The following ABR variants were observed in gnomAD, a reference collection of about 807,000 sequenced individuals.
ABR encodes the protein ABR activator of RhoGEF and GTPase.
ABR carries 35 observed loss-of-function variants against 107.2 expected under a neutral mutation model. The ratio of observed to expected loss-of-function variants is 0.33; its 90% CI spans 0.25 to 0.43. The LOEUF is 0.43. Among genes scored for constraint, ABR ranks in the 20% least tolerant of loss-of-function variants. ABR has a pLI of 1.00. For synonymous variants in ABR, 498 were observed against 462.0 expected (o/e 1.08, Z -1.00); for missense variants, 815 against 1,115.2 (o/e 0.73, Z 3.83).
At chr17:1,013,965 G>A (rs891002243) in intron 16 of ABR, among the ~76,000 whole-genome samples, 13 of 152,328 alleles carry the variant, frequency 8.5e-5, no homozygotes, top group Admixed American at 1.3e-4. Context: ...GCAACTGTGC[G>A]CTCCCTGGCA....
At chr17:1,042,547 CATGG>C (rs61093689) in intron 16 of ABR, among the ~76,000 whole-genome samples, 2 of 151,450 alleles carry the variant, frequency 1.3e-5, no homozygotes, top group African/African-American at 2.4e-5. Context: ...CACCTACATC[CATGG>C]ACGGATGGAT....
rs113756487 is a variant in ABR, at chr17:1,017,181, G to A, written c.1792-4017C>T. Among the ~76,000 whole-genome samples the A allele has an allele frequency of 1.7e-3, 255 of 152,222 alleles. 3 individuals carry two copies. The highest frequency in any genetic ancestry group is 5.8e-3 in the African/African-American group (239 of 41,502). ...GGAAGCGTGAGGCCATCACCAGCCC[G>A]GCTGGAGGCAGGGGTCCTACAGGGT... On this transcript the variant is annotated intron_variant, in intron 16 of 22. Coordinates refer to ENST00000302538, the MANE Select transcript of ABR (RefSeq NM_021962.5).
At chr17:1,047,037 G>A (rs1436153126) in intron 16 of ABR, among the ~76,000 whole-genome samples, 3 of 152,218 alleles carry the variant, frequency 2.0e-5, no homozygotes, top group Non-Finnish European at 4.4e-5. Context: ...CAGAGTGGGG[G>A]CCTCATCACA....
At chr17:1,085,660 G>A (rs547714776) in intron 4 of ABR, among the ~76,000 whole-genome samples, 5 of 152,248 alleles carry the variant, frequency 3.3e-5, no homozygotes, top group Non-Finnish European at 5.9e-5. Flanking sequence ...AGATACGGCC[G>A]GTTCAAACTG....
In ABR at chr17:1,154,179, C is replaced by T. The variant is rs1462385349; in HGVS notation, c.61+25488G>A. On this transcript the variant is annotated intron_variant, in intron 1 of 22. Coordinates refer to ENST00000302538, the MANE Select transcript of ABR (RefSeq NM_021962.5). This position sits in a 1 kb window ranked among gnomAD's most constrained non-coding sequence, Gnocchi z 4.0. ...GTTCACCTCCCAGGTCCTTCATGAT[C>T]CTGGTGTCCCTGCCGCGGCTGCCAC... 1 of 152,468 alleles carries T rather than the reference C, an allele frequency of 6.6e-6. No individual in the cohort carries two copies. Among genetic ancestry groups the T allele is most frequent in the Non-Finnish European group, 1.5e-5 (1 of 68,250 alleles). The allele number at this position is 152,468 out of a possible 1,614,324, so 9.4% of individuals were successfully genotyped here.
At position 1,150,703 on chromosome 17, in the gene ABR, G is replaced by A. The variant is rs919651518; in HGVS notation, c.62-25336C>T. Among the ~76,000 whole-genome samples the A allele has an allele frequency of 6.6e-5, 10 of 152,242 alleles. No homozygotes were observed. The East Asian group carries it at 1.5e-3, about 24-fold the overall frequency. On this transcript the variant is annotated intron_variant, in intron 1 of 22. Transcript: ENST00000302538. The surrounding 1 kb of genome is among the most constrained non-coding windows in gnomAD (Gnocchi z 4.8). ...CACGGTCTGTGGTAACATCCTGCAC[G>A]GCTCTAAACCAGAGGCAACAGGGCA...
In ABR at chr17:1,179,647, C is replaced by T. The variant is rs764792159; in HGVS notation, c.61+20G>A. 38 of 1,521,326 alleles carry T rather than the reference C, an allele frequency of 2.5e-5. No individual in the cohort carries two copies. The highest frequency in any genetic ancestry group is 3.4e-5 in the Non-Finnish European group (38 of 1,133,746). 94.2% of individuals were successfully genotyped at this position (1,521,326 alleles called of 1,614,324 possible). Reference sequence around the variant, plus strand: ...TCCCGATCCCGATCCTGGGGTCCCGCCCCCGCCCGGCACACGTACTGCTGT... The same window carrying T: ...TCCCGATCCCGATCCTGGGGTCCCGTCCCCGCCCGGCACACGTACTGCTGT... On this transcript the variant is annotated intron_variant, in intron 1 of 22. Coordinates refer to ENST00000302538, the MANE Select transcript of ABR (RefSeq NM_021962.5). The surrounding 1 kb of genome is among the most constrained non-coding windows in gnomAD (Gnocchi z 4.9).
intron 1 of ABR, among the ~76,000 whole-genome samples, chr17:1,202,373 C>T (rs1023834954): frequency 2.6e-5 from 4 of 152,168 alleles, no homozygotes; most frequent in South Asian, 4.1e-4. Context: ...AGCCCCAGAG[C>T]GCACATTCAA....
chr17:1,108,950 A>T, intron 2 of ABR: 1 of 1,594,910 alleles, frequency 6.3e-7, no homozygotes, highest in Non-Finnish European at 8.5e-7. Flanking sequence ...AGCCACCAGG[A>T]AGGGGGACCC....
At chr17:1,031,809 C>G in intron 16 of ABR, 4 of 1,228,238 alleles carry the variant, frequency 3.3e-6, no homozygotes, top group South Asian at 4.1e-5. Flanking sequence ...GGCTGCCAGT[C>G]CCGCTAGTTC....
rs1017483721 is a variant in ABR, at chr17:1,106,819, C to T, written c.247-6084G>A. On this transcript the variant is annotated intron_variant, in intron 2 of 22. Transcript: ENST00000302538. ...TGCTGGGAATACAGGCGTGTGCCAC[C>T]GCATCTGGCCCACCCTGCCTACTTC... Among the ~76,000 whole-genome samples, 5 of 152,210 alleles carry T rather than the reference C, an allele frequency of 3.3e-5. No individual in the cohort carries two copies. The South Asian group carries it at 6.2e-4, about 19-fold the overall frequency.
At chr17:1,111,088 CAT>C (rs1199736269) in intron 2 of ABR, among the ~76,000 whole-genome samples, 1 of 152,184 alleles carries the variant, frequency 6.6e-6, no homozygotes, top group African/African-American at 2.4e-5. Flanking sequence ...GGGCTGCCCA[CAT>C]GAGTCAGACC....
chr17:1,133,503 T>C (rs1177489688), intron 1 of ABR, among the ~76,000 whole-genome samples: 1 of 151,524 alleles, frequency 6.6e-6, no homozygotes, highest in Non-Finnish European at 1.5e-5. Context: ...CATTAAAAAC[T>C]ATATGGATGA....
intron 10 of ABR, 72 bp from the exon 11 acceptor site, chr17:1,058,939 A>C: frequency 6.3e-7 from 1 of 1,580,344 alleles, no homozygotes; most frequent in South Asian, 1.1e-5. Context: ...TAAGCACGAC[A>C]CTCCACTGTG....
intron 16 of ABR, among the ~76,000 whole-genome samples, chr17:1,017,706 G>A (rs2071271740): frequency 6.6e-6 from 1 of 151,792 alleles, no homozygotes; most frequent in African/African-American, 2.4e-5. Flanking sequence ...GACCTCAAAT[G>A]ACCCACCCAC....
chr17:1,178,738 T>C (rs1248350987), intron 1 of ABR, among the ~76,000 whole-genome samples: 2 of 151,578 alleles, frequency 1.3e-5, no homozygotes, highest in East Asian at 3.9e-4. Flanking sequence ...AAATCCACTA[T>C]GTAAGCCCAG....
chr17:1,050,205 C>T lies in ABR; in HGVS notation c.1660-24G>A, dbSNP rs764887112. On this transcript the variant is annotated intron_variant, in intron 15 of 22. Coordinates refer to ENST00000302538, the MANE Select transcript of ABR (RefSeq NM_021962.5). This position sits in a 1 kb window ranked among gnomAD's most constrained non-coding sequence, Gnocchi z 4.6. ...TCCTGGGGAAAGATGGGACAAAGGG[C>T]CCTGAACCTCCGAAGCTGGGAGGCC... is the stretch of plus-strand genomic sequence containing the variant. 6.2e-7 allele frequency: 1 copy of T among 1,601,084 alleles called. No individual in the cohort carries two copies. The highest frequency in any genetic ancestry group is 1.7e-5 in the Admixed American group (1 of 57,940).
intron 7 of ABR, among the ~76,000 whole-genome samples, chr17:1,072,990 G>A (rs867752879): frequency 2.0e-5 from 3 of 152,192 alleles, no homozygotes; most frequent in Middle Eastern, 6.8e-3. Flanking sequence ...GACCAGCCTG[G>A]GCAACGTGGT....
upstream of ABR, among the ~76,000 whole-genome samples, chr17:1,191,188 C>T (rs994813610): frequency 1.3e-5 from 2 of 152,048 alleles, no homozygotes; most frequent in Non-Finnish European, 2.9e-5. Flanking sequence ...AATCAAGATC[C>T]GGTTCTCGGG....
Sources: gnomAD v4.1 joint callset for allele counts (sites outside exome capture counted in the v4.1 genomes callset) on GRCh38, gnomAD v4.1.1 for gene constraint, Gnocchi (gnomAD v3.1) non-coding constraint, MANE v1.5 for transcripts, NCBI Gene and HGNC (gene_info 2026-07-23, HGNC 2026-07-21) for gene names.